The following IQGAP2 variants were observed in gnomAD, a reference collection of about 807,000 sequenced individuals.
IQGAP2 encodes the protein IQ motif containing GTPase activating protein 2.
IQGAP2 carries 173 observed loss-of-function variants against 201.3 expected under a neutral mutation model. The observed-to-expected ratio is 0.86, with a 90% confidence interval of 0.76 to 0.98. The LOEUF is 0.98. IQGAP2 is among the 50% of genes least tolerant of loss of function. The probability of loss-of-function intolerance (pLI) is 0.00; values close to 1 mark genes in which losing one functional copy is unlikely to be tolerated. For missense variants in IQGAP2, 1,687 were observed against 1,864.8 expected (o/e 0.90, Z 1.76); for synonymous variants, 675 against 673.9 (o/e 1.00, Z -0.03).
rs141375084 is a variant in IQGAP2, at chr5:76,570,810, A to G, written c.381+153A>G. On this transcript the variant is annotated intron_variant, in intron 4 of 35. Transcript: ENST00000274364. Reference sequence around the variant, plus strand: ...AACATGGAAAGACCTATCCAAAGTAACATATGGCAAGAACTCAGAATGAGG... The same window carrying G: ...AACATGGAAAGACCTATCCAAAGTAGCATATGGCAAGAACTCAGAATGAGG... Among the ~76,000 whole-genome samples the G allele has an allele frequency of 3.2e-3, 495 of 152,368 alleles. 2 individuals are homozygous for G. Among genetic ancestry groups the G allele is most frequent in the African/African-American group, 0.011 (475 of 41,596 alleles).
At chr5:76,568,170 T>G (rs1236693787) in intron 3 of IQGAP2, among the ~76,000 whole-genome samples, 1 of 152,216 alleles carries the variant, frequency 6.6e-6, no homozygotes, top group Non-Finnish European at 1.5e-5. Flanking sequence ...CACAGGATTC[T>G]GAAGTCAGCA....
chr5:76,583,249 G>A (rs1334738317), intron 5 of IQGAP2, among the ~76,000 whole-genome samples: 1 of 152,110 alleles, frequency 6.6e-6, no homozygotes, highest in African/African-American at 2.4e-5. Context: ...GAATTTAAAT[G>A]CTTGGGAAGG....
At chr5:76,619,055 G>A (rs1351084004) in intron 13 of IQGAP2, among the ~76,000 whole-genome samples, 1 of 152,204 alleles carries the variant, frequency 6.6e-6, no homozygotes, top group African/African-American at 2.4e-5. Flanking sequence ...AATTTAATGA[G>A]TAAGATTCTG....
At chr5:76,475,522 A>G (rs997827333) in intron 2 of IQGAP2, among the ~76,000 whole-genome samples, 1 of 152,116 alleles carries the variant, frequency 6.6e-6, no homozygotes. Flanking sequence ...GGCTTTATCT[A>G]CCAAAGATCG....
intron 2 of IQGAP2, among the ~76,000 whole-genome samples, chr5:76,561,801 G>T (rs554913027): frequency 6.6e-6 from 1 of 152,118 alleles, no homozygotes; most frequent in African/African-American, 2.4e-5. Context: ...ATTAAGTACG[G>T]TGTCTTCCCA....
chr5:76,669,660 C>T (rs186347136), intron 23 of IQGAP2, among the ~76,000 whole-genome samples: 57 of 152,128 alleles, frequency 3.7e-4, no homozygotes, highest in African/African-American at 1.3e-3. Flanking sequence ...AAATAAGGCA[C>T]AATGGTGGTG....
At chr5:76,435,206 T>A (rs1312095360) in intron 1 of IQGAP2, among the ~76,000 whole-genome samples, 2 of 152,114 alleles carry the variant, frequency 1.3e-5, no homozygotes, top group African/African-American at 4.8e-5. Flanking sequence ...CTTTTTAGTT[T>A]AGTTAGGTCC....
intron 3 of IQGAP2, among the ~76,000 whole-genome samples, chr5:76,562,765 T>G (rs1048407974): frequency 1.3e-5 from 2 of 152,210 alleles, no homozygotes; most frequent in African/African-American, 2.4e-5. Flanking sequence ...CTCTGACTTA[T>G]GGGGCTTCCC....
chr5:76,703,700 C>T (rs575157142), intron 35 of IQGAP2, among the ~76,000 whole-genome samples: 1 of 151,312 alleles, frequency 6.6e-6, no homozygotes, highest in East Asian at 1.9e-4. Context: ...TCATCTGCCC[C>T]CAACTTCTTA....
At chr5:76,695,959 G>A (rs1746698414) in intron 32 of IQGAP2, among the ~76,000 whole-genome samples, 1 of 147,286 alleles carries the variant, frequency 6.8e-6, no homozygotes, top group Non-Finnish European at 1.5e-5. Flanking sequence ...TCCTGCCTCA[G>A]CCTCCTGAGT....
At chr5:76,695,166 C>CAAAGT (rs1746612162) in intron 31 of IQGAP2, among the ~76,000 whole-genome samples, 1 of 152,178 alleles carries the variant, frequency 6.6e-6, no homozygotes, top group Non-Finnish European at 1.5e-5. Context: ...ATGTGGGGAA[C>CAAAGT]AAAGTAGCAG....
intron 1 of IQGAP2, among the ~76,000 whole-genome samples, chr5:76,411,196 TCTGATATATAGTTACTCTTCA>T (rs1284660268): frequency 2.0e-4 from 31 of 152,302 alleles, no homozygotes; most frequent in African/African-American, 7.5e-4. Flanking sequence ...AAGAGGCATT[TCTGATATATAGTTACTCTTCA>T]CAGTGCTTGC....
At chr5:76,600,527 G>A (rs946768276) in intron 10 of IQGAP2, among the ~76,000 whole-genome samples, 3 of 152,134 alleles carry the variant, frequency 2.0e-5, no homozygotes, top group African/African-American at 7.2e-5. Flanking sequence ...TAAGCAACCA[G>A]TATAGCTAGG....
chr5:76,572,652 G>A (rs1040832428), intron 4 of IQGAP2, among the ~76,000 whole-genome samples: 2 of 151,890 alleles, frequency 1.3e-5, no homozygotes, highest in African/African-American at 4.8e-5. Flanking sequence ...TGGCCAGGCT[G>A]GTCTCGAACT....
At chr5:76,574,280 C>G (rs746501570) in intron 4 of IQGAP2, among the ~76,000 whole-genome samples, 20 of 152,118 alleles carry the variant, frequency 1.3e-4, no homozygotes, top group Non-Finnish European at 2.6e-4. Flanking sequence ...ACTCTGAAAT[C>G]TGTTTCTTTT....
At chr5:76,564,717 C>A (rs1293995295) in intron 3 of IQGAP2, among the ~76,000 whole-genome samples, 2 of 152,158 alleles carry the variant, frequency 1.3e-5, no homozygotes, top group Admixed American at 6.5e-5. Context: ...GAATAAAATA[C>A]TTGCGGGGCG....
intron 2 of IQGAP2, among the ~76,000 whole-genome samples, chr5:76,496,761 C>CT (rs368129209): frequency 0.16 from 14,258 of 88,710 alleles, 1,360 homozygotes; most frequent in Non-Finnish European, 0.19. Context: ...TTCTTTCTTT[C>CT]TTTCTTTCTT....
chr5:76,429,582 T>TTATATA (rs70982604), intron 1 of IQGAP2, among the ~76,000 whole-genome samples: 29 of 120,710 alleles, frequency 2.4e-4, no homozygotes, highest in African/African-American at 6.1e-4. Context: ...AAAAAAAAAT[T>TTATATA]TATATATATA....
intron 11 of IQGAP2, 107 bp downstream of exon 11, chr5:76,601,079 T>C (rs896740027): frequency 9.3e-7 from 1 of 1,072,136 alleles, no homozygotes; most frequent in Non-Finnish European, 1.4e-6. Context: ...ACCATGCTCA[T>C]GTTTCTTGAA....
Sources: allele counts gnomAD v4.1 joint callset (sites outside exome capture counted in the v4.1 genomes callset), GRCh38; gene constraint gnomAD v4.1.1; transcripts MANE v1.5; gene names NCBI Gene and HGNC (gene_info 2026-07-23, HGNC 2026-07-21).